The following TANC2 variants were observed in gnomAD, a reference collection of about 807,000 sequenced individuals.
TANC2 encodes the protein protein TANC2.
Under a neutral mutation model 210.5 loss-of-function variants are expected in TANC2, and 26 were observed. The observed-to-expected ratio is 0.12, with a 90% CI of 0.09 to 0.17. The LOEUF (loss-of-function observed/expected upper bound fraction) is 0.17. TANC2 is among the 10% of genes least tolerant of loss of function. The pLI, the probability that TANC2 is intolerant of heterozygous loss-of-function variation, is 1.00. For missense variants in TANC2, 2,129 were observed against 2,608.9 expected, an observed-to-expected ratio of 0.82 and a Z score of 4.01; for synonymous variants, 931 against 967.1, an observed-to-expected ratio of 0.96 and a Z score of 0.69.
At position 63,034,263 on chromosome 17, in the gene TANC2, G is replaced by T. The variant is rs116457967; in HGVS notation, c.67+24637G>T. Among the ~76,000 whole-genome samples, 1,398 of 152,152 alleles carry T rather than the reference G, an allele frequency of 9.2e-3. 23 individuals carry two copies. The highest frequency in any genetic ancestry group is 0.032 in the African/African-American group (1,343 of 41,506). On this transcript the variant is annotated intron_variant, in intron 2 of 27. Transcript: ENST00000689528. The stretch of plus-strand genomic sequence containing the variant: ...TCGTTTACCATTTCCAGAATTCTAG[G>T]GTCCTAAAGAATGATGCTAAATATA...
At chr17:63,006,699 T>C (rs1188110155) in intron 1 of TANC2, among the ~76,000 whole-genome samples, 1 of 152,214 alleles carries the variant, frequency 6.6e-6, no homozygotes, top group Non-Finnish European at 1.5e-5. Flanking sequence ...TTTTGTGTTA[T>C]AGTTTGTTTT....
intron 9 of TANC2, among the ~76,000 whole-genome samples, chr17:63,296,503 A>G (rs2044540945): frequency 6.6e-6 from 1 of 152,230 alleles, no homozygotes; most frequent in African/African-American, 2.4e-5. Flanking sequence ...TTTTGATACA[A>G]AATGACAAGG....
At chr17:63,171,163 G>T (rs1256085819) in intron 5 of TANC2, among the ~76,000 whole-genome samples, 3 of 137,546 alleles carry the variant, frequency 2.2e-5, no homozygotes, top group African/African-American at 8.3e-5. Context: ...TCAGCTCACT[G>T]CACTCCACCT....
intron 9 of TANC2, among the ~76,000 whole-genome samples, chr17:63,310,794 C>T (rs1327283524): frequency 2.6e-5 from 4 of 152,132 alleles, no homozygotes; most frequent in South Asian, 2.1e-4. Flanking sequence ...AATACTACCC[C>T]GTGATGATGA....
At chr17:63,400,724 A>G (rs1599038570) in intron 19 of TANC2, among the ~76,000 whole-genome samples, 2 of 152,004 alleles carry the variant, frequency 1.3e-5, no homozygotes, top group East Asian at 1.9e-4. Context: ...GCTCACTGCA[A>G]CCTCTGCCTC....
At chr17:63,393,776 A>ATTT (rs58388281) in intron 17 of TANC2, among the ~76,000 whole-genome samples, 3 of 124,122 alleles carry the variant, frequency 2.4e-5, no homozygotes, top group South Asian at 2.4e-4. Context: ...TATTATTATT[A>ATTT]TTTTTTTTTT....
At chr17:63,274,440 G>A (rs920123717) in intron 9 of TANC2, among the ~76,000 whole-genome samples, 3 of 152,022 alleles carry the variant, frequency 2.0e-5, no homozygotes, top group Non-Finnish European at 2.9e-5. Context: ...TACTACAAGC[G>A]CCTTTTCTAG....
chr17:63,035,281 T>C (rs2034926017), intron 2 of TANC2, among the ~76,000 whole-genome samples: 1 of 152,228 alleles, frequency 6.6e-6, no homozygotes, highest in African/African-American at 2.4e-5. Context: ...CATTTCTTTT[T>C]AGATATAATG....
chr17:63,201,331 T>C (rs2041526903), intron 7 of TANC2, among the ~76,000 whole-genome samples: 1 of 152,226 alleles, frequency 6.6e-6, no homozygotes, highest in Admixed American at 6.5e-5. Flanking sequence ...TTAGATTAAG[T>C]GGCGAAAGAG....
intron 12 of TANC2, among the ~76,000 whole-genome samples, chr17:63,348,103 A>G (rs1271186549): frequency 6.6e-6 from 1 of 152,184 alleles, no homozygotes; most frequent in African/African-American, 2.4e-5. Flanking sequence ...AAGGAAAGAT[A>G]ACTCAGATAT....
At chr17:63,233,923 C>G (rs1490946770) in intron 7 of TANC2, among the ~76,000 whole-genome samples, 1 of 152,166 alleles carries the variant, frequency 6.6e-6, no homozygotes, top group Non-Finnish European at 1.5e-5. Context: ...TGTCTCCTTT[C>G]TCATAAAGCA....
intron 2 of TANC2, among the ~76,000 whole-genome samples, chr17:63,025,787 C>A (rs939397025): frequency 7.1e-6 from 1 of 141,354 alleles, no homozygotes; most frequent in Non-Finnish European, 1.5e-5. Context: ...CAGAGTGAGA[C>A]CCTATCTCAA....
At chr17:62,973,030 ATTTT>A (rs113343539) in intron 1 of TANC2, among the ~76,000 whole-genome samples, 2 of 132,742 alleles carry the variant, frequency 1.5e-5, no homozygotes, top group Admixed American at 7.6e-5. Context: ...TAGTTGCCGC[ATTTT>A]TTTTTTTTTT....
chr17:63,147,717 C>G (rs2039510763), intron 4 of TANC2, among the ~76,000 whole-genome samples: 1 of 152,174 alleles, frequency 6.6e-6, no homozygotes, highest in Non-Finnish European at 1.5e-5. Flanking sequence ...GTTTAACTTC[C>G]ATTCTGTACC....
At chr17:63,022,773 T>G (rs1296325872) in intron 2 of TANC2, among the ~76,000 whole-genome samples, 1 of 152,158 alleles carries the variant, frequency 6.6e-6, no homozygotes, top group African/African-American at 2.4e-5. Flanking sequence ...TGTCTACTCC[T>G]TGCATGCCAG....
chr17:63,311,740 A>G (rs1412100247), intron 9 of TANC2, among the ~76,000 whole-genome samples: 1 of 152,220 alleles, frequency 6.6e-6, no homozygotes, highest in African/African-American at 2.4e-5. Context: ...CCAAATGTTT[A>G]TTAACTGATA....
rs768869716 is a variant in TANC2 at position 63,415,498 on chromosome 17, G to A, written c.4021-30G>A. 4.3e-6 allele frequency: 7 copies of A among 1,610,640 alleles called. No homozygotes were observed. In the East Asian group the frequency reaches 1.3e-4, roughly 31 times the overall value. ...TCCTCAGCTGTTCAGCAGACCAACT[G>A]TGTGTTTCGCCATCTTGTGCTCCCA... On this transcript the variant is annotated intron_variant, in intron 25 of 27. Coordinates refer to ENST00000689528, the Ensembl canonical transcript of TANC2.
intron 14 of TANC2, among the ~76,000 whole-genome samples, chr17:63,378,228 A>G (rs572743430): frequency 6.6e-6 from 1 of 152,304 alleles, no homozygotes; most frequent in Non-Finnish European, 1.5e-5. Context: ...TTTATTGAGC[A>G]TTTTTATATG....
intron 9 of TANC2, among the ~76,000 whole-genome samples, chr17:63,300,933 T>C (rs1345829107): frequency 2.6e-5 from 4 of 152,340 alleles, no homozygotes; most frequent in African/African-American, 9.6e-5. Context: ...ATAGCTCTTA[T>C]TATTTTGAGA....
Sources: gnomAD v4.1 joint callset for allele counts (sites outside exome capture counted in the v4.1 genomes callset) on GRCh38, gnomAD v4.1.1 for gene constraint, MANE v1.5 for transcripts, NCBI Gene and HGNC (gene_info 2026-07-23, HGNC 2026-07-21) for gene names.